Variants in OR2C1 observed in about 807,000 individuals in gnomAD.
OR2C1 encodes olfactory receptor family 2 subfamily C member 1.
For missense variants in OR2C1, 468 were observed against 388.3 expected (o/e 1.21, Z -1.73); for synonymous variants, 209 against 167.3 (o/e 1.25, Z -1.92).
the OR2C1 span, among the ~76,000 whole-genome samples, chr16:3,333,576 C>T: frequency 2.0e-5 from 3 of 152,092 alleles, no homozygotes; most frequent in African/African-American, 4.8e-5. Context: ...ACCTCGTGAT[C>T]CGCCCGGCTC....
At chr16:3,345,990 C>A in the OR2C1 span, among the ~76,000 whole-genome samples, 7 of 151,960 alleles carry the variant, frequency 4.6e-5, no homozygotes, top group Non-Finnish European at 7.4e-5. Context: ...TGCACCACCA[C>A]GTCTAACTAA....
upstream of OR2C1, among the ~76,000 whole-genome samples, chr16:3,352,662 G>T (rs1463300404): frequency 2.0e-5 from 3 of 151,356 alleles, no homozygotes; most frequent in Non-Finnish European, 2.9e-5. Flanking sequence ...TGTTCACTTT[G>T]TCTAATACCA....
chr16:3,335,886 T>G, the OR2C1 span, among the ~76,000 whole-genome samples: 1 of 152,220 alleles, frequency 6.6e-6, no homozygotes, highest in Admixed American at 6.5e-5. Context: ...GCTTCTTCCT[T>G]TCTAATTTGG....
At chr16:3,331,916 G>A in the OR2C1 span, among the ~76,000 whole-genome samples, 1 of 151,772 alleles carries the variant, frequency 6.6e-6, no homozygotes. Context: ...ATGAGTTCAC[G>A]TCCTTTGTAG....
chr16:3,355,695 T>C (rs2030654789), upstream of OR2C1, among the ~76,000 whole-genome samples: 1 of 151,834 alleles, frequency 6.6e-6, no homozygotes, highest in African/African-American at 2.4e-5. Context: ...GACAAGAGGA[T>C]TGCTTGAGCC....
the OR2C1 span, among the ~76,000 whole-genome samples, chr16:3,335,159 T>C: frequency 2.8e-4 from 43 of 152,338 alleles, no homozygotes; most frequent in Admixed American, 1.2e-3. Context: ...TTACTATTAG[T>C]GGTCTTTTGT....
chr16:3,355,198 C>T (rs1204129720), upstream of OR2C1, among the ~76,000 whole-genome samples: 1 of 151,886 alleles, frequency 6.6e-6, no homozygotes, highest in African/African-American at 2.4e-5. Context: ...CACGGTGGCT[C>T]ACACCTGTAA....
chr16:3,355,152 T>C (rs967548924), upstream of OR2C1, among the ~76,000 whole-genome samples: 1 of 151,926 alleles, frequency 6.6e-6, no homozygotes, highest in Non-Finnish European at 1.5e-5. Flanking sequence ...CAACAGTAGA[T>C]GGGGATTACA....
At chr16:3,340,562 A>T in the OR2C1 span, among the ~76,000 whole-genome samples, 1 of 152,206 alleles carries the variant, frequency 6.6e-6, no homozygotes, top group Non-Finnish European at 1.5e-5. Flanking sequence ...TCCTTCTAAG[A>T]GTTCACAGTT....
the OR2C1 span, among the ~76,000 whole-genome samples, chr16:3,339,041 C>A: frequency 6.6e-6 from 1 of 152,060 alleles, no homozygotes; most frequent in African/African-American, 2.4e-5. Flanking sequence ...CCTTGGAAAC[C>A]ACAAATCGGC....
the OR2C1 span, among the ~76,000 whole-genome samples, chr16:3,345,235 G>A: frequency 1.3e-5 from 2 of 151,978 alleles, no homozygotes; most frequent in African/African-American, 4.8e-5. Flanking sequence ...TTGGGAGGCC[G>A]AGGTGGGCAG....
chr16:3,347,802 A>G, the OR2C1 span, among the ~76,000 whole-genome samples: 2 of 149,452 alleles, frequency 1.3e-5, no homozygotes, highest in Admixed American at 1.4e-4. Flanking sequence ...ACATGCACAC[A>G]CGCACGTGCA....
chr16:3,345,280 C>T, the OR2C1 span, among the ~76,000 whole-genome samples: 1,484 of 151,960 alleles, frequency 9.8e-3, 21 homozygotes, highest in Admixed American at 0.026. Flanking sequence ...GTCAACAGTT[C>T]GAGACCATCC....
the OR2C1 span, among the ~76,000 whole-genome samples, chr16:3,339,843 A>G: frequency 5.8e-3 from 877 of 152,248 alleles, 6 homozygotes; most frequent in African/African-American, 0.02. Flanking sequence ...CATTATAGCC[A>G]TTTAATGATT....
the OR2C1 span, among the ~76,000 whole-genome samples, chr16:3,329,200 A>ACC: frequency 2.0e-5 from 3 of 150,966 alleles, no homozygotes; most frequent in Admixed American, 6.6e-5. Flanking sequence ...ACACACACAC[A>ACC]CACACACACA....
At chr16:3,351,887 CTTT>C (rs35692577), upstream of OR2C1, among the ~76,000 whole-genome samples, 1,654 of 124,604 alleles carry the variant, frequency 0.013, 88 homozygotes, top group Admixed American at 0.11. Flanking sequence ...AGCATTTAGT[CTTT>C]TTTTTTTTTT....
chr16:3,346,743 C>T, the OR2C1 span, among the ~76,000 whole-genome samples: 1 of 150,294 alleles, frequency 6.7e-6, no homozygotes, highest in Non-Finnish European at 1.5e-5. Flanking sequence ...AATTTTCCTG[C>T]CTCAGCCTCC....
chr16:3,328,941 A>G, the OR2C1 span, among the ~76,000 whole-genome samples: 1 of 151,920 alleles, frequency 6.6e-6, no homozygotes, highest in Admixed American at 6.6e-5. Context: ...GTGCACAGGG[A>G]ATAGTAAACA....
At chr16:3,350,971 G>A (rs546201644), upstream of OR2C1, among the ~76,000 whole-genome samples, 2 of 147,654 alleles carry the variant, frequency 1.4e-5, no homozygotes, top group South Asian at 4.4e-4. Flanking sequence ...AGCCTGGGAG[G>A]TTGAGGCTGC....
Sources: allele counts gnomAD v4.1 joint callset (sites outside exome capture counted in the v4.1 genomes callset), GRCh38; gene constraint gnomAD v4.1.1; transcripts MANE v1.5; gene names NCBI Gene and HGNC (gene_info 2026-07-23, HGNC 2026-07-21).